Variants in PXK observed in about 807,000 individuals in gnomAD.
The protein encoded by PXK is PX domain containing serine/threonine kinase like, also known as PX domain-containing protein kinase-like protein.
Under a neutral mutation model 84.7 loss-of-function variants are expected in PXK, and 35 were observed. The ratio of observed to expected loss-of-function variants is 0.41; its 90% CI spans 0.32 to 0.55. The LOEUF is 0.55. PXK is among the 20% of genes least tolerant of loss of function. The pLI is 0.21. For synonymous variants in PXK, 253 were observed against 260.8 expected, an observed-to-expected ratio of 0.97 and a Z score of 0.29; for missense variants, 634 against 699.7, an observed-to-expected ratio of 0.91 and a Z score of 1.06.
In PXK at chr3:58,399,151, G is replaced by A. The variant is rs2058177352; in HGVS notation, c.1103-148G>A. The A allele has an allele frequency of 8.7e-6, 6 of 689,986 alleles. No individual in the cohort carries two copies. Among genetic ancestry groups the A allele is most frequent in the Admixed American group, 2.1e-5 (1 of 46,782 alleles). 42.7% of individuals were successfully genotyped at this position (689,986 alleles called of 1,614,324 possible). On this transcript the variant is annotated intron_variant, in intron 11 of 17. Coordinates refer to ENST00000356151, the MANE Select transcript of PXK (RefSeq NM_017771.5). The surrounding 1 kb of genome is among the most constrained non-coding windows in gnomAD (Gnocchi z 4.3). ...TGTTGCCAGCATTCCCCCACCCCAC[G>A]TATGCCATCTGTCTGTGTGTGAAGA...
intron 17 of PXK, chr3:58,422,668 C>T (rs1011210080): frequency 5.1e-6 from 5 of 985,382 alleles, no homozygotes; most frequent in African/African-American, 1.7e-5. Flanking sequence ...CTGGTAATGA[C>T]GCCAAAACCA....
At chr3:58,336,071 A>ATATATATATATTTT (rs1284780630) in intron 1 of PXK, among the ~76,000 whole-genome samples, 18 of 51,580 alleles carry the variant, frequency 3.5e-4, no homozygotes, top group Non-Finnish European at 5.2e-4. Flanking sequence ...ATATATATAT[A>ATATATATATATTTT]TTTTTTTTTT....
chr3:58,345,826 CAG>C (rs1302328564), intron 1 of PXK, among the ~76,000 whole-genome samples: 1 of 152,188 alleles, frequency 6.6e-6, no homozygotes, highest in Non-Finnish European at 1.5e-5. Flanking sequence ...AAAGTAGAAA[CAG>C]AAGCCTTATA....
chr3:58,411,516 T>TTGA lies in PXK; in HGVS notation c.1465+1357_1465+1358insTGA, dbSNP rs1487441225. 6.6e-6 allele frequency among the ~76,000 whole-genome samples: 1 copy of TTGA among 152,110 alleles called. No homozygotes were observed. Among genetic ancestry groups the TTGA allele is most frequent in the Admixed American group, 6.5e-5 (1 of 15,274 alleles). On this transcript the variant is annotated intron_variant, in intron 16 of 17. Transcript: ENST00000356151. The surrounding 1 kb of genome is among the most constrained non-coding windows in gnomAD (Gnocchi z 4.2). ...TGATGGGAGGGACATGGACCGGTCA[T>TTGA]GGTCATTATTATACTGAGACTCATG...
At chr3:58,389,843 T>C (rs1405277914) in intron 4 of PXK, among the ~76,000 whole-genome samples, 3 of 151,182 alleles carry the variant, frequency 2.0e-5, no homozygotes, top group Non-Finnish European at 4.4e-5. Flanking sequence ...CTACTAAAAA[T>C]ACAAAATTAG....
chr3:58,422,857 G>A (rs1045253753), intron 17 of PXK: 13 of 985,318 alleles, frequency 1.3e-5, no homozygotes, highest in Non-Finnish European at 1.4e-5. Context: ...CGCCGCAGCC[G>A]AGAGCCTGTC....
In PXK at chr3:58,397,344, A is replaced by G. The variant is rs1361586928; in HGVS notation, c.984+144A>G. 1.9e-6 allele frequency: 2 copies of G among 1,058,258 alleles called. No homozygotes were observed. The highest frequency in any genetic ancestry group is 2.1e-5 in the Admixed American group (1 of 46,654). The allele number at this position is 1,058,258 out of a possible 1,614,324, so 65.6% of individuals were successfully genotyped here. On this transcript the variant is annotated intron_variant, in intron 10 of 17. Transcript: ENST00000356151. The surrounding 1 kb of genome is among the most constrained non-coding windows in gnomAD (Gnocchi z 4.7). ...CCGTCAGCCCTTGCAGCGTTGCTGT[A>G]TCTCTGGGAGGCTGAGTTGAAATGG...
intron 1 of PXK, among the ~76,000 whole-genome samples, chr3:58,361,203 G>A (rs1457978271): frequency 6.6e-6 from 1 of 150,584 alleles, no homozygotes; most frequent in Non-Finnish European, 1.5e-5. Context: ...GGCTGAGGCA[G>A]GAGAATCACT....
At chr3:58,376,173 G>T (rs1208360076) in intron 3 of PXK, among the ~76,000 whole-genome samples, 2 of 152,166 alleles carry the variant, frequency 1.3e-5, no homozygotes, top group Non-Finnish European at 2.9e-5. Flanking sequence ...CCAGCACTTT[G>T]GGAGGCTGAG....
intron 9 of PXK, 49 bp downstream of exon 9, chr3:58,395,808 C>G: frequency 6.8e-7 from 1 of 1,460,312 alleles, no homozygotes; most frequent in South Asian, 1.2e-5. Context: ...TCCAAAATTG[C>G]ATTATTCACC....
chr3:58,365,696 G>T (rs1407993146), intron 1 of PXK, among the ~76,000 whole-genome samples, 178 bp from the exon 2 acceptor site: 1 of 152,146 alleles, frequency 6.6e-6, no homozygotes. Context: ...GGATTGCTAT[G>T]TCTTCCTGGT....
In PXK at chr3:58,366,658, C is replaced by A. The variant is rs550112309; in HGVS notation, c.153+734C>A. Among the ~76,000 whole-genome samples, 142 of 152,332 alleles carry A rather than the reference C, an allele frequency of 9.3e-4. 2 individuals are homozygous for A. The highest frequency in any genetic ancestry group is 6.8e-4 in the Non-Finnish European group (46 of 68,036). ...TAAGCAGCCTCTTACACACAGTTGT[C>A]CACACTTGGTCTTTTCTTTGCCTGA... On this transcript the variant is annotated intron_variant, in intron 2 of 17. Coordinates refer to ENST00000356151, the MANE Select transcript of PXK (RefSeq NM_017771.5).
chr3:58,423,706 G>C (rs2062330061), intron 17 of PXK, among the ~76,000 whole-genome samples: 1 of 152,210 alleles, frequency 6.6e-6, no homozygotes, highest in Non-Finnish European at 1.5e-5. Context: ...GGGAGGGACA[G>C]AGACAGCATC....
intron 13 of PXK, 90 bp from the exon 14 acceptor site, chr3:58,408,834 G>C: frequency 1.9e-6 from 2 of 1,039,158 alleles, no homozygotes; most frequent in South Asian, 2.7e-5. Flanking sequence ...AATGACTCTT[G>C]ATAACCACCT....
intron 12 of PXK, among the ~76,000 whole-genome samples, chr3:58,402,101 T>C (rs1282030436): frequency 6.6e-6 from 1 of 152,006 alleles, no homozygotes. Flanking sequence ...AAAGAAAGAC[T>C]CACTTATAGC....
Position 58,379,357 on chromosome 3 carries a change from C to T in PXK, c.202-3157C>T, listed in dbSNP as rs1054467155. The T allele has an allele frequency of 5.9e-5, 9 of 153,252 alleles. No homozygotes were observed. The highest frequency in any genetic ancestry group is 3.3e-4 in the Admixed American group (5 of 15,262). 9.5% of individuals were successfully genotyped at this position (153,252 alleles called of 1,614,324 possible). On this transcript the variant is annotated intron_variant, in intron 3 of 17. Transcript: ENST00000356151. This position sits in a 1 kb window ranked among gnomAD's most constrained non-coding sequence, Gnocchi z 5.1. ...TTTCACCTACTTGGTGTAAGTTGCT[C>T]TTTAATTGTCTTCCTGTGGATATGT...
rs535359335 is a variant in PXK, at chr3:58,400,444, C to T, written c.1181+1067C>T. On this transcript the variant is annotated intron_variant, in intron 12 of 17. Transcript: ENST00000356151. This position sits in a 1 kb window ranked among gnomAD's most constrained non-coding sequence, Gnocchi z 4.0. ...GTTCAGAGAAGGTAGAGATAACTTCCGGTTCCTGGTTCTTTCTTTCCACAA... is the reference window on the plus strand; with the variant it reads ...GTTCAGAGAAGGTAGAGATAACTTCTGGTTCCTGGTTCTTTCTTTCCACAA... Among the ~76,000 whole-genome samples, 4 of 152,262 alleles carry T rather than the reference C, an allele frequency of 2.6e-5. No individual in the cohort carries two copies. Among genetic ancestry groups the T allele is most frequent in the South Asian group, 4.1e-4 (2 of 4,826 alleles).
chr3:58,345,492 C>T (rs1427687921), intron 1 of PXK, among the ~76,000 whole-genome samples: 1 of 152,118 alleles, frequency 6.6e-6, no homozygotes, highest in Non-Finnish European at 1.5e-5. Context: ...GTAGAATTAC[C>T]GTTTTTATGA....
intron 17 of PXK, chr3:58,423,606 T>G: frequency 6.7e-7 from 1 of 1,500,716 alleles, no homozygotes; most frequent in Non-Finnish European, 8.9e-7. Context: ...CCATACAAAC[T>G]TAAGTAGGGT....
Sources: gnomAD v4.1 joint callset for allele counts (sites outside exome capture counted in the v4.1 genomes callset) on GRCh38, gnomAD v4.1.1 for gene constraint, Gnocchi (gnomAD v3.1) non-coding constraint, MANE v1.5 for transcripts, NCBI Gene and HGNC (gene_info 2026-07-23, HGNC 2026-07-21) for gene names.